The following ZNF292 variants were observed in gnomAD, a reference collection of about 807,000 sequenced individuals.
The protein encoded by ZNF292 is zinc finger protein 292.
In ZNF292, 26 loss-of-function variants were observed where a neutral mutation model predicts 217.9. The observed-to-expected ratio is 0.12, with a 90% CI of 0.09 to 0.17. The LOEUF (loss-of-function observed/expected upper bound fraction) is 0.17. Ranked by LOEUF, ZNF292 falls within the 10% of genes least tolerant of loss-of-function variation. The pLI is 1.00. For synonymous variants in ZNF292, 1,257 were observed against 1,124.1 expected (o/e 1.12, Z -2.37); for missense variants, 2,904 against 3,175.2 (o/e 0.91, Z 2.05).
rs1311606268 is a variant in ZNF292, at chr6:87,257,015, C to T, written c.3386C>T (p.Ala1129Val). 1 of 1,613,686 alleles carries T rather than the reference C, an allele frequency of 6.2e-7. No individual in the cohort carries two copies. Among genetic ancestry groups the T allele is most frequent in the South Asian group, 1.1e-5 (1 of 91,078 alleles). ...MKTAHPDQYAAFKMQRKSKKG... is the reference protein window; with the variant it reads ...MKTAHPDQYAVFKMQRKSKKG... ...ACAGCACACCCTGACCAATATGCTG[C>T]ATTTAAAATGCAGCGCAAAAGTAAA... The change falls in exon 8 of 8, where the codon GCA becomes GTA. Residue 1129 changes from alanine to valine, a missense_variant. This residue lies in a region of ZNF292 where 687 missense variants were observed against 623.0 expected (regional missense o/e 1.10). Transcript: ENST00000369577.
At chr6:87,240,581 C>T (rs1248353514) in intron 5 of ZNF292, among the ~76,000 whole-genome samples, 3 of 152,066 alleles carry the variant, frequency 2.0e-5, no homozygotes, top group Non-Finnish European at 4.4e-5. Flanking sequence ...GCTACCATGC[C>T]TGGCTAATTT....
chr6:87,240,383 G>C (rs148199102), intron 5 of ZNF292, among the ~76,000 whole-genome samples: 3 of 151,408 alleles, frequency 2.0e-5, no homozygotes, highest in South Asian at 2.1e-4. Context: ...GGGTGGGGGA[G>C]GGGGAGGGGG....
At chr6:87,225,348 C>A (rs983414768) in intron 4 of ZNF292, among the ~76,000 whole-genome samples, 1 of 152,084 alleles carries the variant, frequency 6.6e-6, no homozygotes, top group African/African-American at 2.4e-5. Context: ...TTAAGAGCAA[C>A]TTAGCAGAAG....
In ZNF292 at chr6:87,254,744, G is replaced by T; in HGVS notation, c.1115G>T (p.Cys372Phe). 1 of 1,613,898 alleles carries T rather than the reference G, an allele frequency of 6.2e-7. No individual in the cohort carries two copies. ...AATACTGAAGTGAAAATATCTATTT[G>T]CAAGACCATTTCATGTTTGTTGCCT... ...TENTEVKISI[C>F]KTISCLLPDD... The change falls in exon 8 of 8, where the codon TGC becomes TTC. Residue 372 changes from cysteine (C) to phenylalanine (F), a missense_variant. Around this residue, in one of 15 missense-constraint regions of ZNF292, gnomAD observed 313 missense variants for 451.0 expected, o/e 0.69. Transcript: ENST00000369577.
At chr6:87,248,577 C>G (rs188938039) in intron 7 of ZNF292, among the ~76,000 whole-genome samples, 19 of 152,094 alleles carry the variant, frequency 1.2e-4, no homozygotes, top group African/African-American at 3.9e-4. Context: ...ACCCTGTCTC[C>G]AAAACAAAAC....
Position 87,260,182 on chromosome 6 carries a change from G to T in ZNF292, c.6553G>T (p.Ala2185Ser), listed in dbSNP as rs1304796731. The T allele has an allele frequency of 6.2e-7, 1 of 1,612,754 alleles. No individual in the cohort carries two copies. The highest frequency in any genetic ancestry group is 2.2e-5 in the East Asian group (1 of 44,854). ...QVSDCSRIFQ[A>S]ITGLIQHYMK... is the part of the protein sequence containing the mutation. The stretch of plus-strand genomic sequence containing the variant: ...AAGTGACTGTTCTCGAATTTTCCAA[G>T]CAATTACTGGCCTAATACAACACTA... The change falls in exon 8 of 8, where the codon GCA becomes TCA. Residue 2185 changes from alanine to serine, a missense_variant. Physicochemically the swap from Ala to Ser is moderately conservative, Grantham distance 99. Coordinates refer to ENST00000369577, the MANE Select transcript of ZNF292 (RefSeq NM_015021.3).
intron 1 of ZNF292, among the ~76,000 whole-genome samples, chr6:87,162,392 A>G (rs1770779613): frequency 6.6e-6 from 1 of 152,174 alleles, no homozygotes; most frequent in African/African-American, 2.4e-5. Flanking sequence ...GAAACTAAGC[A>G]TTTTCCTTAA....
At chr6:87,218,338 C>T (rs1772892893) in intron 3 of ZNF292, among the ~76,000 whole-genome samples, 1 of 151,984 alleles carries the variant, frequency 6.6e-6, no homozygotes, top group Admixed American at 6.6e-5. Context: ...TAACTTTACT[C>T]CTGGCTTAGA....
At position 87,160,491 on chromosome 6, in the gene ZNF292, ATGTG is replaced by A. The variant is rs1260142601; in HGVS notation, c.168+4752_168+4755del. 1.8e-4 allele frequency among the ~76,000 whole-genome samples: 26 copies of A among 146,434 alleles called. No individual in the cohort carries two copies. In the South Asian group the frequency reaches 3.4e-3, roughly 19 times the overall value. On this transcript the variant is annotated intron_variant, in intron 1 of 7. Transcript: ENST00000369577. ...CATACGTACATGTGTTTGTATATAT[ATGTG>A]TGTGTGTGTGTGTGTGTGTATATAT...
chr6:87,197,722 CAAAAAAAA>C (rs11312557), intron 1 of ZNF292, among the ~76,000 whole-genome samples: 10 of 77,312 alleles, frequency 1.3e-4, no homozygotes, highest in Non-Finnish European at 1.9e-4. Context: ...CTCGCTGTTT[CAAAAAAAA>C]AAAAAAAAAA....
chr6:87,203,378 AG>A (rs1385569104), intron 1 of ZNF292, among the ~76,000 whole-genome samples: 1 of 151,896 alleles, frequency 6.6e-6, no homozygotes, highest in African/African-American at 2.4e-5. Context: ...TCTGAGCTTA[AG>A]TGATCCACCC....
chr6:87,159,612 C>T (rs1179881397), intron 1 of ZNF292, among the ~76,000 whole-genome samples: 1 of 151,754 alleles, frequency 6.6e-6, no homozygotes, highest in Non-Finnish European at 1.5e-5. Context: ...AAGCAATTCT[C>T]CTGCCTCAGC....
chr6:87,259,248 T>A lies in ZNF292; in HGVS notation c.5619T>A (p.Pro1873=), dbSNP rs2127870001. The A allele has an allele frequency of 6.2e-7, 1 of 1,613,700 alleles. No homozygotes were observed. Among genetic ancestry groups the A allele is most frequent in the South Asian group, 1.1e-5 (1 of 91,080 alleles). Residue 1873 remains proline, a synonymous_variant, in exon 8 of 8, where the codon CCT becomes CCA. Transcript: ENST00000369577. ...CATCAGTGACACTGACTCCCACGCC[T>A]GTTAAATCAACTGCAGATATCACAG... The part of the protein sequence containing the change: ...INTSVTLTPT[P]VKSTADITVI...
intron 5 of ZNF292, among the ~76,000 whole-genome samples, chr6:87,235,793 T>A (rs758884501): frequency 6.6e-6 from 1 of 152,104 alleles, no homozygotes; most frequent in African/African-American, 2.4e-5. Flanking sequence ...ATTAAGACTT[T>A]TCATGTTCAT....
At chr6:87,237,093 G>T (rs1191429912) in intron 5 of ZNF292, among the ~76,000 whole-genome samples, 1 of 152,084 alleles carries the variant, frequency 6.6e-6, no homozygotes, top group Non-Finnish European at 1.5e-5. Context: ...TATCTTCTTA[G>T]AGATTATTAG....
At chr6:87,180,688 A>ACG (rs770249470) in intron 1 of ZNF292, among the ~76,000 whole-genome samples, 1 of 151,272 alleles carries the variant, frequency 6.6e-6, no homozygotes, top group Non-Finnish European at 1.5e-5. Context: ...CCCAGCAACC[A>ACG]CAGGGAGAAC....
At chr6:87,247,773 G>A (rs1161899708) in intron 7 of ZNF292, among the ~76,000 whole-genome samples, 1 of 151,956 alleles carries the variant, frequency 6.6e-6, no homozygotes. Flanking sequence ...ATATAATTAT[G>A]GAAAAATCTA....
At chr6:87,220,379 T>TAGGATCCTTATTGTCCCTGTTTTC (rs1773024110) in intron 4 of ZNF292, among the ~76,000 whole-genome samples, 1 of 152,216 alleles carries the variant, frequency 6.6e-6, no homozygotes, top group African/African-American at 2.4e-5. Flanking sequence ...TTGAAAAAGA[T>TAGGATCCTTATTGTCCCTGTTTTC]AGGATCCTTA....
Position 87,255,101 on chromosome 6 carries a change from A to G in ZNF292, c.1472A>G (p.Glu491Gly). The change falls in exon 8 of 8, where the codon GAA (glutamate) becomes GGA (glycine). Residue 491 changes from glutamate to glycine, a missense_variant. Glu to Gly is a moderately conservative substitution (Grantham distance 98, BLOSUM62 -2). This residue lies in a region of ZNF292 where 87 missense variants were observed against 99.6 expected (regional missense o/e 0.87). Coordinates refer to ENST00000369577, the MANE Select transcript of ZNF292 (RefSeq NM_015021.3). Reference protein sequence around the residue: ...KVVDYQEESKETSMNGLSGGV... With the variant: ...KVVDYQEESKGTSMNGLSGGV... ...GTAGACTACCAAGAAGAGAGTAAAG[A>G]AACTTCTATGAATGGGCTTTCTGGT... 1 of 1,613,684 alleles carries G rather than the reference A, an allele frequency of 6.2e-7. No homozygotes were observed. Among genetic ancestry groups the G allele is most frequent in the Non-Finnish European group, 8.5e-7 (1 of 1,179,848 alleles).
Sources: gnomAD v4.1 joint callset for allele counts (sites outside exome capture counted in the v4.1 genomes callset) on GRCh38, gnomAD v4.1.1 for gene constraint, gnomAD v4.1.1 regional missense constraint, MANE v1.5 for transcripts, NCBI Gene and HGNC (gene_info 2026-07-23, HGNC 2026-07-21) for gene names.